ADAMTSL3: variants seen among roughly 807,000 people sequenced by gnomAD.
The protein encoded by ADAMTSL3 is ADAMTS like 3.
In ADAMTSL3, 128 loss-of-function variants were observed where a neutral mutation model predicts 201.7. The ratio of observed to expected loss-of-function variants is 0.63; its 90% CI spans 0.55 to 0.73. The LOEUF (loss-of-function observed/expected upper bound fraction) is 0.73, where lower values mean the gene tolerates loss of function less well. Among genes scored for constraint, ADAMTSL3 ranks in the 30% least tolerant of loss-of-function variants. The pLI is 0.00. For synonymous variants in ADAMTSL3, 738 were observed against 748.4 expected, an observed-to-expected ratio of 0.99 and a Z score of 0.23; for missense variants, 1,990 against 2,119.6, an observed-to-expected ratio of 0.94 and a Z score of 1.20.
In ADAMTSL3 at chr15:83,986,467, A is replaced by G. The variant is rs546763593; in HGVS notation, c.3717-2224A>G. 2.6e-5 allele frequency among the ~76,000 whole-genome samples: 4 copies of G among 152,336 alleles called. No individual in the cohort carries two copies. The South Asian group carries it at 6.2e-4, about 24-fold the overall frequency. Reference sequence around the variant, plus strand: ...CCTTAGATGTGTTTCTGCATCCTTTAAAGATCAGCCATTCAAAACAGAAGC... The same window carrying G: ...CCTTAGATGTGTTTCTGCATCCTTTGAAGATCAGCCATTCAAAACAGAAGC... On this transcript the variant is annotated intron_variant, in intron 21 of 29. Coordinates refer to ENST00000286744, the MANE Select transcript of ADAMTSL3 (RefSeq NM_207517.3).
intron 3 of ADAMTSL3, among the ~76,000 whole-genome samples, chr15:83,761,918 T>C (rs1050708302): frequency 6.6e-6 from 1 of 152,144 alleles, no homozygotes; most frequent in African/African-American, 2.4e-5. Flanking sequence ...AAAAATAACC[T>C]AGATATTGTC....
chr15:83,833,650 T>C (rs2064203407), intron 6 of ADAMTSL3, among the ~76,000 whole-genome samples: 1 of 152,222 alleles, frequency 6.6e-6, no homozygotes, highest in African/African-American at 2.4e-5. Flanking sequence ...TTGGTACAAG[T>C]GTAGCTGAAG....
chr15:83,732,374 A>C lies in ADAMTSL3; in HGVS notation c.189+27866A>C, dbSNP rs147815274. Among the ~76,000 whole-genome samples, 1,376 of 152,248 alleles carry C rather than the reference A, an allele frequency of 9.0e-3. 20 individuals carry two copies. Among genetic ancestry groups the C allele is most frequent in the African/African-American group, 0.031 (1,294 of 41,554 alleles). ...AATAACTAAGTGTCCTAATTCTGTC[A>C]GATAAGTGAGTCAACACTGTATATT... On this transcript the variant is annotated intron_variant, in intron 3 of 29. Coordinates refer to ENST00000286744, the MANE Select transcript of ADAMTSL3 (RefSeq NM_207517.3).
chr15:83,809,933 C>T (rs1451629019), intron 5 of ADAMTSL3, among the ~76,000 whole-genome samples: 2 of 152,010 alleles, frequency 1.3e-5, no homozygotes, highest in East Asian at 1.9e-4. Context: ...ATCTGTGGAT[C>T]AAGTTTTTTC....
intron 2 of ADAMTSL3, among the ~76,000 whole-genome samples, chr15:83,666,847 A>T (rs1024971693): frequency 6.7e-6 from 1 of 149,104 alleles, no homozygotes; most frequent in Non-Finnish European, 1.5e-5. Flanking sequence ...TGTCTCAAGA[A>T]AAAAAAAAAA....
At chr15:83,940,863 G>A (rs1209748706) in intron 17 of ADAMTSL3, among the ~76,000 whole-genome samples, 1 of 151,768 alleles carries the variant, frequency 6.6e-6, no homozygotes, top group African/African-American at 2.4e-5. Context: ...AGATAATATG[G>A]GAATTCACCT....
intron 3 of ADAMTSL3, among the ~76,000 whole-genome samples, chr15:83,731,667 G>T (rs1470553358): frequency 1.3e-5 from 2 of 151,918 alleles, no homozygotes; most frequent in African/African-American, 4.8e-5. Context: ...AGTGTCCATT[G>T]ATAGATGAAT....
At chr15:83,944,763 A>T (rs2066624048) in intron 19 of ADAMTSL3, among the ~76,000 whole-genome samples, 1 of 152,292 alleles carries the variant, frequency 6.6e-6, no homozygotes, top group African/African-American at 2.4e-5. Context: ...TCTAAAGCCT[A>T]AATCTGGGTG....
intron 22 of ADAMTSL3, 25 bp downstream of exon 22, chr15:83,988,843 A>G (rs770690192): frequency 1.4e-6 from 2 of 1,381,266 alleles, no homozygotes; most frequent in South Asian, 4.5e-5. Context: ...TGAAATCTAG[A>G]ATGCCTGGTT....
intron 3 of ADAMTSL3, among the ~76,000 whole-genome samples, chr15:83,736,835 C>A (rs868796771): frequency 9.9e-5 from 15 of 152,162 alleles, no homozygotes; most frequent in African/African-American, 3.6e-4. Context: ...AGACCATAGT[C>A]CTCCCACTTC....
In ADAMTSL3 at chr15:83,898,847, A is replaced by G. The variant is rs10520574; in HGVS notation, c.1616-800A>G. ...TATTTCTGGGTTCATTATTCATACA[A>G]ATAGCCTCATAATTAGCCATTCAAT... On this transcript the variant is annotated intron_variant, in intron 14 of 29. Coordinates refer to ENST00000286744, the MANE Select transcript of ADAMTSL3 (RefSeq NM_207517.3). Among the ~76,000 whole-genome samples the G allele has an allele frequency of 0.016, 2,494 of 152,272 alleles. 327 individuals are homozygous for G. The East Asian group carries it at 0.35, about 21-fold the overall frequency.
rs2141915410 is a variant in ADAMTSL3 at position 83,899,702 on chromosome 15, A to G, written c.1671A>G (p.Glu557=). Residue 557 remains glutamate (E), a synonymous_variant, in exon 15 of 30, where the codon GAA becomes GAG. Transcript: ENST00000286744. ...LPWLKQAQEL[E]ETRIATEEPT... ...GGCTGAAACAAGCACAAGAACTAGA[A>G]GAGACCAGAATAGCAACAGAAGAAC... 1.9e-6 allele frequency: 3 copies of G among 1,612,184 alleles called. 1 individual carries two copies. The South Asian group carries it at 3.3e-5, about 18-fold the overall frequency.
At chr15:83,766,869 C>T (rs1481590112) in intron 3 of ADAMTSL3, among the ~76,000 whole-genome samples, 1 of 152,128 alleles carries the variant, frequency 6.6e-6, no homozygotes, top group African/African-American at 2.4e-5. Context: ...CCTAGGCGGG[C>T]GGATCACCTG....
chr15:83,800,321 G>A (rs184249353), intron 4 of ADAMTSL3, among the ~76,000 whole-genome samples: 2 of 152,190 alleles, frequency 1.3e-5, no homozygotes, highest in Non-Finnish European at 2.9e-5. Context: ...AATTGTAGTG[G>A]GATTTGTAGG....
At chr15:83,805,030 C>T (rs2063580960) in intron 5 of ADAMTSL3, among the ~76,000 whole-genome samples, 1 of 152,114 alleles carries the variant, frequency 6.6e-6, no homozygotes, top group African/African-American at 2.4e-5. Context: ...AGGTGAGGTG[C>T]AGCTATTTCT....
At chr15:83,741,349 T>C (rs1227186613) in intron 3 of ADAMTSL3, among the ~76,000 whole-genome samples, 4 of 152,034 alleles carry the variant, frequency 2.6e-5, no homozygotes, top group Non-Finnish European at 5.9e-5. Flanking sequence ...TAAACTTCAG[T>C]CATTAACATT....
intron 9 of ADAMTSL3, among the ~76,000 whole-genome samples, chr15:83,878,923 A>T (rs553294569): frequency 1.1e-4 from 16 of 152,110 alleles, no homozygotes; most frequent in Non-Finnish European, 2.4e-4. Flanking sequence ...TGCACCAGGA[A>T]ATGTTTAGAA....
At chr15:84,000,333 T>C (rs190981762) in intron 23 of ADAMTSL3, among the ~76,000 whole-genome samples, 1 of 152,212 alleles carries the variant, frequency 6.6e-6, no homozygotes, top group East Asian at 1.9e-4. Context: ...TTTTGAAATG[T>C]ATATTTAAAA....
chr15:83,907,709 T>C (rs148407424), intron 15 of ADAMTSL3, among the ~76,000 whole-genome samples: 24 of 152,330 alleles, frequency 1.6e-4, no homozygotes, highest in African/African-American at 5.5e-4. Context: ...CTGCCAGATT[T>C]CATTCTTTTT....
Sources: gnomAD v4.1 joint callset for allele counts (sites outside exome capture counted in the v4.1 genomes callset) on GRCh38, gnomAD v4.1.1 for gene constraint, MANE v1.5 for transcripts, NCBI Gene and HGNC (gene_info 2026-07-23, HGNC 2026-07-21) for gene names.